STPG2: variants seen among roughly 807,000 people sequenced by gnomAD.
The protein encoded by STPG2 is sperm tail PG-rich repeat containing 2.
STPG2 carries 56 observed loss-of-function variants against 54.2 expected under a neutral mutation model. The ratio of observed to expected loss-of-function variants is 1.03; its 90% CI spans 0.83 to 1.29. The LOEUF (loss-of-function observed/expected upper bound fraction) is 1.29, where lower values mean the gene tolerates loss of function less well. Ranked by LOEUF, STPG2 falls within the 50% of genes most tolerant of loss-of-function variation. The probability of loss-of-function intolerance (pLI) is 0.00; values close to 1 mark genes in which losing one functional copy is unlikely to be tolerated. For missense variants in STPG2, 596 were observed against 544.9 expected, an observed-to-expected ratio of 1.09 and a Z score of -0.93; for synonymous variants, 200 against 181.8, an observed-to-expected ratio of 1.10 and a Z score of -0.81.
intron 10 of STPG2, among the ~76,000 whole-genome samples, chr4:97,608,342 A>C (rs1014434241): frequency 2.0e-5 from 3 of 152,026 alleles, no homozygotes; most frequent in Non-Finnish European, 4.4e-5. Context: ...CTGATTAAAA[A>C]AAAATTTGGC....
At chr4:97,851,831 G>GA (rs543677048) in intron 8 of STPG2, among the ~76,000 whole-genome samples, 82 of 152,048 alleles carry the variant, frequency 5.4e-4, no homozygotes, top group South Asian at 8.3e-4. Context: ...TAGTTTTATA[G>GA]AAAAAAATGT....
chr4:98,087,915 A>T (rs1738572505), intron 5 of STPG2, among the ~76,000 whole-genome samples: 1 of 152,184 alleles, frequency 6.6e-6, no homozygotes, highest in South Asian at 2.1e-4. Flanking sequence ...ATAAGCCCTA[A>T]TCCCTGACTC....
intron 8 of STPG2, among the ~76,000 whole-genome samples, chr4:97,871,360 C>A (rs1030335054): frequency 5.3e-5 from 8 of 150,122 alleles, no homozygotes; most frequent in Non-Finnish European, 1.0e-4. Context: ...AATCCTGGTT[C>A]TTTGAAAGAA....
At chr4:97,965,169 C>T (rs1007072587) in intron 7 of STPG2, among the ~76,000 whole-genome samples, 1 of 152,186 alleles carries the variant, frequency 6.6e-6, no homozygotes, top group African/African-American at 2.4e-5. Context: ...TCTTAGCAAC[C>T]GACAGACCAG....
chr4:98,051,187 C>T (rs1737310092), intron 5 of STPG2, among the ~76,000 whole-genome samples: 1 of 152,032 alleles, frequency 6.6e-6, no homozygotes, highest in Admixed American at 6.5e-5. Context: ...AAGTTAGTTC[C>T]CTAATCTGCC....
At chr4:97,647,738 G>T (rs1053994804) in intron 10 of STPG2, among the ~76,000 whole-genome samples, 7 of 152,156 alleles carry the variant, frequency 4.6e-5, no homozygotes, top group African/African-American at 7.2e-5. Context: ...TGTCCGCCAA[G>T]ATGCTAGCAC....
chr4:97,867,299 A>G (rs1390847807), intron 8 of STPG2, among the ~76,000 whole-genome samples: 2 of 151,524 alleles, frequency 1.3e-5, no homozygotes, highest in Non-Finnish European at 2.9e-5. Context: ...TTTTTTACTT[A>G]TCTTTGTTGG....
At chr4:98,088,605 T>C (rs1738596059) in intron 5 of STPG2, among the ~76,000 whole-genome samples, 2 of 150,024 alleles carry the variant, frequency 1.3e-5, no homozygotes, top group East Asian at 2.0e-4. Flanking sequence ...ATTCCTAAAT[T>C]AGCAAACGGT....
In STPG2 at chr4:97,507,622, A is replaced by G. The variant is rs1364398239; in HGVS notation, c.462+205077T>C. Among the ~76,000 whole-genome samples, 3 of 152,040 alleles carry G rather than the reference A, an allele frequency of 2.0e-5. 1 individual carries two copies. The East Asian group carries it at 5.8e-4, about 30-fold the overall frequency. On this transcript the variant is annotated intron_variant, in intron 4 of 4. Transcript: ENST00000522676. ...CCTAGTGGGTCCCCATGCCACTTGCACTCTTACCAATTGGCTATGAATTCA... is the reference window on the plus strand; with the variant it reads ...CCTAGTGGGTCCCCATGCCACTTGCGCTCTTACCAATTGGCTATGAATTCA...
At chr4:97,488,660 T>A (rs1040065707) in intron 4 of STPG2, among the ~76,000 whole-genome samples, 2 of 151,676 alleles carry the variant, frequency 1.3e-5, no homozygotes, top group African/African-American at 4.8e-5. Flanking sequence ...TTTCAAAAAC[T>A]GGCTTCCAAG....
intron 8 of STPG2, among the ~76,000 whole-genome samples, chr4:97,937,126 C>G (rs1419159598): frequency 6.6e-6 from 1 of 151,902 alleles, no homozygotes; most frequent in African/African-American, 2.4e-5. Flanking sequence ...TTCAGCAAGA[C>G]AGTCTTCAAG....
intron 8 of STPG2, among the ~76,000 whole-genome samples, chr4:97,861,004 T>A (rs938969472): frequency 6.6e-6 from 1 of 152,020 alleles, no homozygotes; most frequent in Non-Finnish European, 1.5e-5. Flanking sequence ...TAGGATCACA[T>A]CAAGTTAAAA....
intron 4 of STPG2, among the ~76,000 whole-genome samples, chr4:97,492,563 A>G (rs1254743117): frequency 6.6e-6 from 1 of 151,450 alleles, no homozygotes; most frequent in African/African-American, 2.4e-5. Flanking sequence ...AAATAGTTAG[A>G]TTCCTTTGTT....
chr4:97,828,156 G>T (rs1237591156), intron 9 of STPG2, among the ~76,000 whole-genome samples: 2 of 152,184 alleles, frequency 1.3e-5, no homozygotes, highest in African/African-American at 2.4e-5. Flanking sequence ...GATGCAGAAG[G>T]TGGGTGATTT....
intron 5 of STPG2, among the ~76,000 whole-genome samples, chr4:97,986,041 G>T (rs1039105789): frequency 2.6e-5 from 4 of 151,962 alleles, no homozygotes; most frequent in African/African-American, 9.7e-5. Context: ...TCATTAAGTT[G>T]CTTGATGCAG....
chr4:97,810,759 T>C (rs1727710662), intron 9 of STPG2, among the ~76,000 whole-genome samples: 1 of 152,188 alleles, frequency 6.6e-6, no homozygotes, highest in African/African-American at 2.4e-5. Context: ...ATTTGAATAT[T>C]ATGCTATTTC....
At chr4:98,010,368 T>C (rs1735706851) in intron 5 of STPG2, among the ~76,000 whole-genome samples, 1 of 152,166 alleles carries the variant, frequency 6.6e-6, no homozygotes, top group Non-Finnish European at 1.5e-5. Flanking sequence ...TTTATCATTA[T>C]ATAATGACCT....
chr4:97,526,433 T>C (rs1460712099), intron 4 of STPG2, among the ~76,000 whole-genome samples: 1 of 152,118 alleles, frequency 6.6e-6, no homozygotes, highest in African/African-American at 2.4e-5. Context: ...TACTATAAAG[T>C]AGAAAAATAA....
chr4:97,735,021 T>G (rs6858639), intron 9 of STPG2, among the ~76,000 whole-genome samples: 1 of 150,884 alleles, frequency 6.6e-6, no homozygotes, highest in Non-Finnish European at 1.5e-5. Context: ...GGCAGTGAGT[T>G]GAGATGGCGT....
Sources: gnomAD v4.1 joint callset for allele counts (sites outside exome capture counted in the v4.1 genomes callset) on GRCh38, gnomAD v4.1.1 for gene constraint, MANE v1.5 for transcripts, NCBI Gene and HGNC (gene_info 2026-07-23, HGNC 2026-07-21) for gene names.